The following NRG3 variants were observed in gnomAD, a reference collection of about 807,000 sequenced individuals.
The protein encoded by NRG3 is pro-neuregulin-3, membrane-bound isoform.
A neutral mutation model predicts 66.9 loss-of-function variants in NRG3; 31 were observed. The observed-to-expected ratio is 0.46, with a 90% CI of 0.35 to 0.63. The LOEUF (loss-of-function observed/expected upper bound fraction) is 0.63, where lower values mean the gene tolerates loss of function less well. Ranked by LOEUF, NRG3 falls within the 20% of genes least tolerant of loss-of-function variation. The probability of loss-of-function intolerance (pLI) is 0.00; values close to 1 mark genes in which losing one functional copy is unlikely to be tolerated. For synonymous variants in NRG3, 393 were observed against 359.4 expected, an observed-to-expected ratio of 1.09 and a Z score of -1.06; for missense variants, 910 against 878.9, an observed-to-expected ratio of 1.04 and a Z score of -0.45.
rs557205652 is a variant in NRG3, at chr10:82,768,697, A to T, written c.1027+30047A>T. Among the ~76,000 whole-genome samples, 185 of 152,264 alleles carry T rather than the reference A, an allele frequency of 1.2e-3. 2 individuals carry two copies. Among genetic ancestry groups the T allele is most frequent in the African/African-American group, 4.1e-3 (172 of 41,556 alleles). Reference sequence around the variant, plus strand: ...ATTCATGTTATTAACTATTTTAATGATATAAAATATCTCACTTTATTTTAA... The same window carrying T: ...ATTCATGTTATTAACTATTTTAATGTTATAAAATATCTCACTTTATTTTAA... On this transcript the variant is annotated intron_variant, in intron 3 of 8. Coordinates refer to ENST00000372141, the MANE Select transcript of NRG3 (RefSeq NM_001010848.4).
At chr10:82,430,148 C>T (rs746818198) in intron 2 of NRG3, among the ~76,000 whole-genome samples, 1 of 152,100 alleles carries the variant, frequency 6.6e-6, no homozygotes, top group Non-Finnish European at 1.5e-5. Context: ...CATTCAATGT[C>T]TTTTTCTAGT....
intron 2 of NRG3, among the ~76,000 whole-genome samples, chr10:82,694,674 G>T (rs2055228415): frequency 6.6e-6 from 1 of 152,092 alleles, no homozygotes; most frequent in Non-Finnish European, 1.5e-5. Flanking sequence ...GATCCTTTGA[G>T]CCCAGAAGGT....
intron 1 of NRG3, among the ~76,000 whole-genome samples, chr10:82,037,738 A>G (rs937595047): frequency 1.3e-5 from 2 of 151,978 alleles, no homozygotes; most frequent in Non-Finnish European, 2.9e-5. Flanking sequence ...GTTTTCTCTT[A>G]TTTTAATTAC....
At chr10:82,796,440 C>CT (rs1565324960) in intron 3 of NRG3, among the ~76,000 whole-genome samples, 1 of 152,150 alleles carries the variant, frequency 6.6e-6, no homozygotes, top group African/African-American at 2.4e-5. Context: ...CTGCAGCCCT[C>CT]TGGACCCTGT....
intron 1 of NRG3, among the ~76,000 whole-genome samples, chr10:82,050,524 C>T (rs1399940703): frequency 6.6e-6 from 1 of 151,916 alleles, no homozygotes; most frequent in African/African-American, 2.4e-5. Flanking sequence ...GTGTGTCCTG[C>T]AGACTAACGG....
chr10:81,965,003 A>G lies in NRG3; in HGVS notation c.823+88840A>G, dbSNP rs1037629525. On this transcript the variant is annotated intron_variant, in intron 1 of 8. Coordinates refer to ENST00000372141, the MANE Select transcript of NRG3 (RefSeq NM_001010848.4). ...GGGCCCAAACATATTAAAATGTAACATTTACCCATTTAATATTAATTTAAT... is the reference window on the plus strand; with the variant it reads ...GGGCCCAAACATATTAAAATGTAACGTTTACCCATTTAATATTAATTTAAT... Among the ~76,000 whole-genome samples the G allele has an allele frequency of 3.3e-5, 5 of 152,200 alleles. No homozygotes were observed. In the East Asian group the frequency reaches 9.6e-4, roughly 29 times the overall value.
chr10:81,974,562 C>G (rs1032154567), intron 1 of NRG3, among the ~76,000 whole-genome samples: 2 of 152,002 alleles, frequency 1.3e-5, no homozygotes, highest in African/African-American at 4.8e-5. Context: ...CAAGGTGGTC[C>G]AAGACATGGG....
At chr10:82,042,370 A>AT (rs2063084924) in intron 1 of NRG3, among the ~76,000 whole-genome samples, 1 of 152,150 alleles carries the variant, frequency 6.6e-6, no homozygotes, top group South Asian at 2.1e-4. Context: ...ATATACATAG[A>AT]TTTTCAACTA....
intron 2 of NRG3, among the ~76,000 whole-genome samples, chr10:82,545,570 A>G (rs568473675): frequency 0.011 from 1,598 of 151,654 alleles, 27 homozygotes; most frequent in African/African-American, 0.036. Context: ...TTTAGTAGAG[A>G]TGGGGTTTCA....
chr10:82,404,716 A>G (rs910363302), intron 2 of NRG3, among the ~76,000 whole-genome samples: 1 of 152,180 alleles, frequency 6.6e-6, no homozygotes, highest in Non-Finnish European at 1.5e-5. Context: ...AGGATGCCAC[A>G]TGTCATAACT....
intron 1 of NRG3, among the ~76,000 whole-genome samples, chr10:81,911,241 G>A (rs72835847): frequency 0.021 from 3,214 of 152,236 alleles, 45 homozygotes; most frequent in Middle Eastern, 0.065. Flanking sequence ...TAGTCAAGTG[G>A]AGAATTCATT....
intron 4 of NRG3, among the ~76,000 whole-genome samples, chr10:82,932,682 T>G (rs1055840052): frequency 6.6e-6 from 1 of 152,194 alleles, no homozygotes; most frequent in African/African-American, 2.4e-5. Flanking sequence ...TGGCACTCCC[T>G]GAGATCCCTG....
At chr10:82,559,616 A>G (rs1396030414) in intron 2 of NRG3, among the ~76,000 whole-genome samples, 2 of 152,212 alleles carry the variant, frequency 1.3e-5, no homozygotes, top group Non-Finnish European at 1.5e-5. Flanking sequence ...TATGTTTCCT[A>G]CAGCAGATCT....
chr10:82,229,917 G>T (rs2076370071), intron 1 of NRG3, among the ~76,000 whole-genome samples: 1 of 152,070 alleles, frequency 6.6e-6, no homozygotes, highest in African/African-American at 2.4e-5. Flanking sequence ...CATGTGAACA[G>T]TGAAAAAATG....
intron 1 of NRG3, among the ~76,000 whole-genome samples, chr10:82,171,902 G>C (rs1310825438): frequency 6.6e-6 from 1 of 152,080 alleles, no homozygotes; most frequent in Non-Finnish European, 1.5e-5. Flanking sequence ...GCCACACCTG[G>C]TTGTAAGAGG....
chr10:82,622,629 A>G (rs1273864158), intron 2 of NRG3, among the ~76,000 whole-genome samples: 1 of 152,190 alleles, frequency 6.6e-6, no homozygotes, highest in Non-Finnish European at 1.5e-5. Context: ...GGCTGTCAGT[A>G]AGCAGCAGGA....
chr10:81,971,545 G>A (rs1175573296), intron 1 of NRG3, among the ~76,000 whole-genome samples: 1 of 152,160 alleles, frequency 6.6e-6, no homozygotes, highest in East Asian at 1.9e-4. Context: ...GAATGAGACA[G>A]CAAAAAAGTA....
chr10:82,444,344 C>G (rs1000087070), intron 2 of NRG3, among the ~76,000 whole-genome samples: 1 of 152,142 alleles, frequency 6.6e-6, no homozygotes, highest in African/African-American at 2.4e-5. Flanking sequence ...CTTAGGTGAT[C>G]CACCCACCTT....
At chr10:82,916,776 C>T (rs1215833886) in intron 4 of NRG3, among the ~76,000 whole-genome samples, 3 of 152,062 alleles carry the variant, frequency 2.0e-5, no homozygotes, top group Admixed American at 1.3e-4. Context: ...CCACCACGCC[C>T]AGCTAATTTT....
Sources: allele counts gnomAD v4.1 joint callset (sites outside exome capture counted in the v4.1 genomes callset), GRCh38; gene constraint gnomAD v4.1.1; transcripts MANE v1.5; gene names NCBI Gene and HGNC (gene_info 2026-07-23, HGNC 2026-07-21).